Variants in ASTN2 observed in about 807,000 individuals in gnomAD.
ASTN2 encodes the protein astrotactin-2.
In ASTN2, 54 loss-of-function variants were observed where a neutral mutation model predicts 139.8. The ratio of observed to expected loss-of-function variants is 0.39; its 90% CI spans 0.31 to 0.48. The LOEUF is 0.48. ASTN2 is among the 20% of genes least tolerant of loss of function. The probability of loss-of-function intolerance (pLI) is 0.95; values close to 1 mark genes in which losing one functional copy is unlikely to be tolerated. For synonymous variants in ASTN2, 756 were observed against 719.5 expected (o/e 1.05, Z -0.81); for missense variants, 1,565 against 1,725.1 (o/e 0.91, Z 1.64).
chr9:117,061,214 G>C (rs1839281690), intron 5 of ASTN2, among the ~76,000 whole-genome samples: 1 of 151,776 alleles, frequency 6.6e-6, no homozygotes, highest in Non-Finnish European at 1.5e-5. Context: ...TGCAGGGGCA[G>C]GTTGTAGACT....
At chr9:117,283,375 A>G (rs1834371827) in intron 2 of ASTN2, among the ~76,000 whole-genome samples, 1 of 152,236 alleles carries the variant, frequency 6.6e-6, no homozygotes. Flanking sequence ...TTAAAATTTT[A>G]AAGTATTTTT....
intron 2 of ASTN2, among the ~76,000 whole-genome samples, chr9:117,264,342 G>T (rs148222973): frequency 6.6e-6 from 1 of 152,132 alleles, no homozygotes; most frequent in South Asian, 2.1e-4. Flanking sequence ...ATTCAGACAA[G>T]TCTGGATTCA....
In ASTN2 at chr9:116,865,982, A is replaced by C. The variant is rs111719094; in HGVS notation, c.1890-2249T>G. Among the ~76,000 whole-genome samples the C allele has an allele frequency of 5.3e-3, 803 of 152,280 alleles. 6 individuals are homozygous for C. The highest frequency in any genetic ancestry group is 0.019 in the African/African-American group (785 of 41,562). On this transcript the variant is annotated intron_variant, in intron 10 of 22. Coordinates refer to ENST00000313400, the MANE Select transcript of ASTN2 (RefSeq NM_001365068.1). ...GACATCAGGCAAGATCCTGACTCCC[A>C]ATCTCCACAGTAGCTTTATGTTACC...
chr9:116,620,476 A>G (rs760238836), intron 17 of ASTN2, 33 bp from the exon 18 acceptor site: 3 of 1,613,518 alleles, frequency 1.9e-6, no homozygotes, highest in Non-Finnish European at 2.5e-6. Context: ...ATAGACAATG[A>G]TGACAACAGG....
At chr9:116,930,801 T>C (rs1834875338) in intron 10 of ASTN2, among the ~76,000 whole-genome samples, 1 of 152,194 alleles carries the variant, frequency 6.6e-6, no homozygotes, top group Admixed American at 6.5e-5. Context: ...TTGGGAATCA[T>C]CCTTGACCTT....
intron 7 of ASTN2, among the ~76,000 whole-genome samples, chr9:116,996,758 T>C (rs2132561034): frequency 6.6e-6 from 1 of 152,280 alleles, no homozygotes; most frequent in Non-Finnish European, 1.5e-5. Context: ...CAACCTAGGC[T>C]TCATTATTAT....
intron 19 of ASTN2, among the ~76,000 whole-genome samples, chr9:116,586,835 C>CACAT (rs1554717126): frequency 2.8e-5 from 4 of 144,010 alleles, no homozygotes; most frequent in African/African-American, 5.0e-5. Context: ...CATACATACA[C>CACAT]ACACACACAC....
At chr9:117,222,799 C>A (rs879600509) in intron 2 of ASTN2, among the ~76,000 whole-genome samples, 6 of 152,060 alleles carry the variant, frequency 3.9e-5, no homozygotes, top group Non-Finnish European at 8.8e-5. Flanking sequence ...GGATCTTCAG[C>A]ATTTCCTACC....
At chr9:116,639,378 G>GA (rs1857221735) in intron 17 of ASTN2, among the ~76,000 whole-genome samples, 1 of 152,124 alleles carries the variant, frequency 6.6e-6, no homozygotes, top group South Asian at 2.1e-4. Flanking sequence ...TCTGTGTAAT[G>GA]GTACAAACTC....
At chr9:116,691,488 A>G (rs1294960248) in intron 16 of ASTN2, among the ~76,000 whole-genome samples, 1 of 152,220 alleles carries the variant, frequency 6.6e-6, no homozygotes, top group South Asian at 2.1e-4. Context: ...CCTATTATTC[A>G]TTTAGCCTGC....
chr9:117,025,974 AG>A (rs1158312426), intron 6 of ASTN2, among the ~76,000 whole-genome samples: 1 of 151,984 alleles, frequency 6.6e-6, no homozygotes, highest in Non-Finnish European at 1.5e-5. Flanking sequence ...TGTGTTGGTC[AG>A]GCTGGTCTCG....
At chr9:117,109,251 C>G (rs1308944947) in intron 4 of ASTN2, among the ~76,000 whole-genome samples, 1 of 151,892 alleles carries the variant, frequency 6.6e-6, no homozygotes, top group East Asian at 1.9e-4. Context: ...CACTGCACTC[C>G]AGCCTGGGCG....
chr9:116,680,208 C>A (rs573060550), intron 16 of ASTN2, among the ~76,000 whole-genome samples: 1 of 152,208 alleles, frequency 6.6e-6, no homozygotes, highest in East Asian at 1.9e-4. Context: ...ACCGATCCCA[C>A]GGAAATACAA....
At chr9:116,904,616 A>G (rs573359373) in intron 10 of ASTN2, among the ~76,000 whole-genome samples, 2 of 152,320 alleles carry the variant, frequency 1.3e-5, no homozygotes, top group African/African-American at 4.8e-5. Context: ...AGATCAAATG[A>G]GTTCATTAAT....
At chr9:116,730,096 T>G (rs1245369084) in intron 14 of ASTN2, among the ~76,000 whole-genome samples, 2 of 152,242 alleles carry the variant, frequency 1.3e-5, no homozygotes, top group African/African-American at 2.4e-5. Flanking sequence ...ACTCTCTTTT[T>G]TATAAGCTGA....
At chr9:116,578,902 C>T (rs1481985890) in intron 19 of ASTN2, 6 of 151,998 alleles carry the variant, frequency 3.9e-5, no homozygotes, top group Non-Finnish European at 7.4e-5. Context: ...TAAAAACTTC[C>T]AAATATTTTT....
intron 4 of ASTN2, among the ~76,000 whole-genome samples, chr9:117,120,677 C>G (rs1416621771): frequency 6.6e-6 from 1 of 152,150 alleles, no homozygotes; most frequent in Admixed American, 6.5e-5. Flanking sequence ...CTGGAAGAAT[C>G]CTCCTCTCAT....
intron 5 of ASTN2, among the ~76,000 whole-genome samples, chr9:117,086,312 C>T (rs578056289): frequency 3.3e-5 from 5 of 152,312 alleles, no homozygotes; most frequent in South Asian, 4.1e-4. Flanking sequence ...CGGTGGCTCA[C>T]GCCTGTAATC....
At chr9:116,549,589 T>C (rs1283644935) in intron 19 of ASTN2, among the ~76,000 whole-genome samples, 1 of 152,188 alleles carries the variant, frequency 6.6e-6, no homozygotes, top group Non-Finnish European at 1.5e-5. Context: ...AGATGCTCTT[T>C]TGCAAGGTGA....
Sources: gnomAD v4.1 joint callset for allele counts (sites outside exome capture counted in the v4.1 genomes callset) on GRCh38, gnomAD v4.1.1 for gene constraint, MANE v1.5 for transcripts, NCBI Gene and HGNC (gene_info 2026-07-23, HGNC 2026-07-21) for gene names.